The following RBM20 variants were observed in gnomAD, a reference collection of about 807,000 sequenced individuals.
The protein encoded by RBM20 is RNA binding motif protein 20.
A neutral mutation model predicts 110.1 loss-of-function variants in RBM20; 51 were observed. The ratio of observed to expected loss-of-function variants is 0.46; its 90% CI spans 0.37 to 0.59. RBM20 has a LOEUF of 0.59. RBM20 is among the 20% of genes least tolerant of loss of function. The pLI is 0.00. For synonymous variants in RBM20, 589 were observed against 618.2 expected (o/e 0.95, Z 0.70); for missense variants, 1,512 against 1,574.9 (o/e 0.96, Z 0.68).
chr10:110,652,573 C>A (rs1184635691), intron 1 of RBM20, among the ~76,000 whole-genome samples: 2 of 152,208 alleles, frequency 1.3e-5, no homozygotes, highest in Non-Finnish European at 2.9e-5. Flanking sequence ...GAAGACTGAG[C>A]TGCCCTTTAG....
chr10:110,711,414 C>G (rs897550119), intron 1 of RBM20, among the ~76,000 whole-genome samples: 1 of 149,972 alleles, frequency 6.7e-6, no homozygotes, highest in African/African-American at 2.5e-5. Context: ...TTACCCCAAG[C>G]TACCACCACT....
At chr10:110,717,417 A>C (rs1564824122) in intron 1 of RBM20, among the ~76,000 whole-genome samples, 2 of 152,118 alleles carry the variant, frequency 1.3e-5, no homozygotes, top group Admixed American at 6.5e-5. Context: ...GATAATCTTC[A>C]GGGAAACTTA....
intron 1 of RBM20, among the ~76,000 whole-genome samples, chr10:110,663,156 G>T (rs1240465650): frequency 6.6e-6 from 1 of 151,948 alleles, no homozygotes; most frequent in Non-Finnish European, 1.5e-5. Flanking sequence ...AGTAGAGTCG[G>T]GGCGTTGCCC....
rs746444255 is a variant in RBM20 at position 110,821,823 on chromosome 10, C to G, written c.3204C>G (p.Thr1068=). ...GCCCATTTGTGGATGATTGCAAGACCAGGGGGACCCCCGAAGATGGGGCTT... is the reference window on the plus strand; with the variant it reads ...GCCCATTTGTGGATGATTGCAAGACGAGGGGGACCCCCGAAGATGGGGCTT... ...QPSPFVDDCK[T]RGTPEDGACE... The change falls in exon 11 of 14, where the codon ACC becomes ACG. Residue 1068 remains threonine, a synonymous_variant. Coordinates refer to ENST00000369519, the MANE Select transcript of RBM20 (RefSeq NM_001134363.3). 143 of 1,551,598 alleles carry G rather than the reference C, an allele frequency of 9.2e-5. No individual in the cohort carries two copies. The highest frequency in any genetic ancestry group is 1.2e-4 in the Non-Finnish European group (140 of 1,147,008).
chr10:110,753,357 T>C (rs868317918), intron 1 of RBM20, among the ~76,000 whole-genome samples: 2 of 152,190 alleles, frequency 1.3e-5, no homozygotes, highest in Non-Finnish European at 2.9e-5. Flanking sequence ...CTCTCATTGT[T>C]TTGTATTTTA....
chr10:110,812,807 G>A lies in RBM20; in HGVS notation c.2410G>A (p.Glu804Lys), dbSNP rs957248353. The change falls in exon 9 of 14, where the codon GAA (glutamate) becomes AAA (lysine). Residue 804 changes from glutamate to lysine, a missense_variant. By Grantham distance (56) the Glu-to-Lys change is moderately conservative. This residue lies in a region of RBM20 where 1,149 missense variants were observed against 1,169.4 expected (regional missense o/e 0.98). Coordinates refer to ENST00000369519, the MANE Select transcript of RBM20 (RefSeq NM_001134363.3). ...RHPHPDDSGK[E>K]DGLGPKVTRA... ...CCCCCATCCGGATGACTCAGGCAAG[G>A]AAGATGGGCTGGGGCCAAAGGTCAC... is the stretch of plus-strand genomic sequence containing the variant. The A allele has an allele frequency of 7.7e-6, 12 of 1,550,566 alleles. No individual in the cohort carries two copies. In the Admixed American group the frequency reaches 1.8e-4, roughly 23 times the overall value.
At position 110,662,904 on chromosome 10, in the gene RBM20, G is replaced by A. The variant is rs142627484; in HGVS notation, c.191+18259G>A. 2.8e-3 allele frequency among the ~76,000 whole-genome samples: 426 copies of A among 152,120 alleles called. 2 individuals are homozygous for A. Among genetic ancestry groups the A allele is most frequent in the African/African-American group, 9.7e-3 (402 of 41,504 alleles). On this transcript the variant is annotated intron_variant, in intron 1 of 13. Transcript: ENST00000369519. Reference sequence around the variant, plus strand: ...CCTACATTGGACATCCCTCAAATCTGGCCCCTCTGGTCACTGAAGCAAATA... The same window carrying A: ...CCTACATTGGACATCCCTCAAATCTAGCCCCTCTGGTCACTGAAGCAAATA...
intron 1 of RBM20, among the ~76,000 whole-genome samples, chr10:110,692,860 T>G (rs1255913433): frequency 6.6e-6 from 1 of 151,108 alleles, no homozygotes; most frequent in Non-Finnish European, 1.5e-5. Context: ...TTTTGTTTTG[T>G]TTTGTTTTAC....
At chr10:110,727,143 CTT>C (rs57606079) in intron 1 of RBM20, among the ~76,000 whole-genome samples, 2,866 of 80,010 alleles carry the variant, frequency 0.036, 33 homozygotes, top group East Asian at 0.13. Flanking sequence ...TGCACCCAGC[CTT>C]TTTTTTTTTT....
intron 1 of RBM20, among the ~76,000 whole-genome samples, chr10:110,775,987 T>G (rs1173561249): frequency 2.0e-5 from 3 of 152,198 alleles, no homozygotes; most frequent in Admixed American, 2.0e-4. Context: ...AAGTGATGGC[T>G]TAACAACAAT....
rs1380412802 is a variant in RBM20 at position 110,666,142 on chromosome 10, AAGATTGGCCAT to A, written c.191+21504_191+21514del. Among the ~76,000 whole-genome samples the A allele has an allele frequency of 1.5e-4, 23 of 152,324 alleles. 1 individual carries two copies. The highest frequency in any genetic ancestry group is 1.5e-3 in the Admixed American group (23 of 15,304). ...TAATGAAGGGGGGTGCAAAATAAAC[AAGATTGGCCAT>A]AGATTGATAATTTTTGAAGCTGGGT... On this transcript the variant is annotated intron_variant, in intron 1 of 13. Transcript: ENST00000369519.
Position 110,644,630 on chromosome 10 carries a change from C to A in RBM20, c.176C>A (p.Pro59His). 1 of 1,509,404 alleles carries A rather than the reference C, an allele frequency of 6.6e-7. No individual in the cohort carries two copies. Among genetic ancestry groups the A allele is most frequent in the South Asian group, 1.2e-5 (1 of 80,192 alleles). The allele number at this position is 1,509,404 out of a possible 1,614,324, so 93.5% of individuals were successfully genotyped here. ...CCGCCCCCGCCCCAAGCCGGCCTAC[C>A]CCAGATCATCCAAAAGTAAGAAGGG... Reference protein sequence around the residue: ...QPPPPPQAGLPQIIQNAAKLL... With the variant: ...QPPPPPQAGLHQIIQNAAKLL... Residue 59 changes from proline (P) to histidine (H), a missense_variant, in exon 1 of 14, where the codon CCC (proline) becomes CAC (histidine). Physicochemically the swap from Pro to His is moderately conservative, Grantham distance 77. Around this residue, in one of 3 missense-constraint regions of RBM20, gnomAD observed 1,149 missense variants for 1,169.4 expected, o/e 0.98. Coordinates refer to ENST00000369519, the MANE Select transcript of RBM20 (RefSeq NM_001134363.3). This position sits in a 1 kb window ranked among gnomAD's most constrained non-coding sequence, Gnocchi z 4.3.
rs1862361764 is a variant in RBM20 at position 110,677,852 on chromosome 10, G to A, written c.191+33207G>A. Among the ~76,000 whole-genome samples, 5 of 152,308 alleles carry A rather than the reference G, an allele frequency of 3.3e-5. No homozygotes were observed. The South Asian group carries it at 1.0e-3, about 32-fold the overall frequency. On this transcript the variant is annotated intron_variant, in intron 1 of 13. Coordinates refer to ENST00000369519, the MANE Select transcript of RBM20 (RefSeq NM_001134363.3). Reference sequence around the variant, plus strand: ...TGATACCAACCAGGCTGGTAAAATGGCTTTCTGAATTGTTTTACTCGAGTC... The same window carrying A: ...TGATACCAACCAGGCTGGTAAAATGACTTTCTGAATTGTTTTACTCGAGTC...
At chr10:110,650,193 A>G (rs1199591483) in intron 1 of RBM20, among the ~76,000 whole-genome samples, 1 of 152,164 alleles carries the variant, frequency 6.6e-6, no homozygotes, top group Non-Finnish European at 1.5e-5. Flanking sequence ...TGTGTTTTGG[A>G]TATGTTGCAT....
At chr10:110,654,059 T>G (rs1415753064) in intron 1 of RBM20, among the ~76,000 whole-genome samples, 1 of 152,186 alleles carries the variant, frequency 6.6e-6, no homozygotes, top group African/African-American at 2.4e-5. Flanking sequence ...ATTGCTCCAT[T>G]GTAGACAGAC....
chr10:110,681,046 G>T (rs961010769), intron 1 of RBM20, among the ~76,000 whole-genome samples: 3 of 152,204 alleles, frequency 2.0e-5, no homozygotes, highest in Non-Finnish European at 4.4e-5. Context: ...GGGGGCACTT[G>T]CTTGATAGAA....
At chr10:110,802,649 T>C (rs1426152346) in intron 7 of RBM20, among the ~76,000 whole-genome samples, 1 of 152,206 alleles carries the variant, frequency 6.6e-6, no homozygotes, top group Non-Finnish European at 1.5e-5. Flanking sequence ...GGAGATAGTT[T>C]GGGGTGGTGC....
chr10:110,757,026 A>G (rs1446057029), intron 1 of RBM20, among the ~76,000 whole-genome samples: 1 of 152,200 alleles, frequency 6.6e-6, no homozygotes, highest in Non-Finnish European at 1.5e-5. Flanking sequence ...CCTCAGCAAG[A>G]ATTAGAGGAT....
chr10:110,696,991 C>T (rs1464024269), intron 1 of RBM20, among the ~76,000 whole-genome samples: 1 of 152,200 alleles, frequency 6.6e-6, no homozygotes, highest in Admixed American at 6.5e-5. Context: ...CCATTCTTAC[C>T]TCTGTCATCA....
Sources: gnomAD v4.1 joint callset for allele counts (sites outside exome capture counted in the v4.1 genomes callset) on GRCh38, gnomAD v4.1.1 for gene constraint, gnomAD v4.1.1 regional missense constraint, Gnocchi (gnomAD v3.1) non-coding constraint, MANE v1.5 for transcripts, NCBI Gene and HGNC (gene_info 2026-07-23, HGNC 2026-07-21) for gene names.